The following SF3B3 variants were observed in gnomAD, a reference collection of about 807,000 sequenced individuals.
The protein encoded by SF3B3 is SAP 130.
In SF3B3, 33 loss-of-function variants were observed where a neutral mutation model predicts 139.2. That is an observed-to-expected ratio of 0.24 (90% confidence interval 0.18 to 0.32). The LOEUF is 0.32. Ranked by LOEUF, SF3B3 falls within the 10% of genes least tolerant of loss-of-function variation. SF3B3 has a pLI of 1.00. For synonymous variants in SF3B3, 596 were observed against 563.6 expected (o/e 1.06, Z -0.81); for missense variants, 818 against 1,509.4 (o/e 0.54, Z 7.59).
At chr16:70,565,016 C>T (rs1314756129) in intron 18 of SF3B3, 49 bp from the exon 19 acceptor site, 9 of 1,573,876 alleles carry the variant, frequency 5.7e-6, no homozygotes, top group Non-Finnish European at 7.9e-6. Flanking sequence ...TCTCAGCCAG[C>T]CCCTACCTCT....
intron 8 of SF3B3, among the ~76,000 whole-genome samples, chr16:70,541,161 G>A (rs1022347881): frequency 6.6e-6 from 1 of 152,198 alleles, no homozygotes; most frequent in African/African-American, 2.4e-5. Flanking sequence ...GGTATGAAGT[G>A]GTAGCTCATT....
At chr16:70,555,353 C>T in intron 13 of SF3B3, 147 bp downstream of exon 13, 1 of 686,382 alleles carries the variant, frequency 1.5e-6, no homozygotes, top group Middle Eastern at 4.6e-4. Flanking sequence ...TGGCATGCAC[C>T]TTGTAGTCCT....
chr16:70,571,147 C>A lies in SF3B3; in HGVS notation c.3461C>A (p.Pro1154His). Residue 1154 changes from proline (P) to histidine (H), a missense_variant, in exon 25 of 26, where the codon CCT becomes CAT. Pro to His is a moderately conservative substitution (Grantham distance 77). This residue lies in a region of SF3B3 where 44 missense variants were observed against 40.4 expected (regional missense o/e 1.09). Transcript: ENST00000302516. Reference sequence around the variant, plus strand: ...ATGCACCTGCGGTCTGAACATCCCCCTCTCTGTGGGCGGGACCACCTCAGC... The same window carrying A: ...ATGCACCTGCGGTCTGAACATCCCCATCTCTGTGGGCGGGACCACCTCAGC... ...VEMHLRSEHP[P>H]LCGRDHLSFR... The A allele has an allele frequency of 6.2e-7, 1 of 1,614,096 alleles. No homozygotes were observed. Among genetic ancestry groups the A allele is most frequent in the South Asian group, 1.1e-5 (1 of 91,072 alleles).
At chr16:70,547,995 C>T (rs1356109921) in intron 10 of SF3B3, among the ~76,000 whole-genome samples, 1 of 152,152 alleles carries the variant, frequency 6.6e-6, no homozygotes, top group African/African-American at 2.4e-5. Flanking sequence ...AATTGGTCCA[C>T]ATGGGATTTG....
intron 10 of SF3B3, among the ~76,000 whole-genome samples, chr16:70,545,628 T>TCTGG (rs2050260915): frequency 6.6e-6 from 1 of 152,220 alleles, no homozygotes; most frequent in Admixed American, 6.5e-5. Context: ...ATCTGAGCTC[T>TCTGG]CAAGAGGCCT....
chr16:70,576,355 C>T lies in SF3B3; in HGVS notation c.*4542C>T, dbSNP rs2050580605. 1.3e-5 allele frequency: 2 copies of T among 150,386 alleles called. No homozygotes were observed. The highest frequency in any genetic ancestry group is 4.9e-5 in the African/African-American group (2 of 40,660). 9.3% of individuals were successfully genotyped at this position (150,386 alleles called of 1,614,324 possible). A position where few individuals can be genotyped will look rare whatever the true frequency, so the allele number is the denominator to read the frequency against. ...TCTCTGGCGGTGCCCAGAGGCAAGC[C>T]CCCTTCAGTTTCCCACCTCTCACTC... On this transcript the variant is annotated 3_prime_UTR_variant, in exon 26 of 26. Coordinates refer to ENST00000302516, the MANE Select transcript of SF3B3 (RefSeq NM_012426.5).
rs754683150 is a variant in SF3B3, at chr16:70,571,735, C to T, written c.3576C>T (p.Asn1192=). Reference sequence around the variant, plus strand: ...CCATGGAACCCAACAAACAAAAGAACGTCTCTGAAGAACTGGACCGAACCC... The same window carrying T: ...CCATGGAACCCAACAAACAAAAGAATGTCTCTGAAGAACTGGACCGAACCC... The part of the protein sequence containing the change: ...FNSMEPNKQK[N]VSEELDRTPP... The change falls in exon 26 of 26, where the codon AAC becomes AAT. Residue 1192 remains asparagine, a synonymous_variant. Coordinates refer to ENST00000302516, the MANE Select transcript of SF3B3 (RefSeq NM_012426.5). 2 of 1,614,074 alleles carry T rather than the reference C, an allele frequency of 1.2e-6. No homozygotes were observed. Among genetic ancestry groups the T allele is most frequent in the Non-Finnish European group, 1.7e-6 (2 of 1,180,002 alleles).
intron 6 of SF3B3, chr16:70,538,071 T>G (rs1436403504): frequency 6.1e-6 from 4 of 658,162 alleles, no homozygotes; most frequent in South Asian, 2.7e-5. Context: ...CTGGACACAG[T>G]TTTTGCCTTA....
chr16:70,554,360 T>A (rs531936803), intron 11 of SF3B3, 86 bp from the exon 12 acceptor site: 1 of 1,324,640 alleles, frequency 7.5e-7, no homozygotes, highest in Non-Finnish European at 1.1e-6. Context: ...CCTTGGAAGG[T>A]TTCTGAAGAG....
chr16:70,527,917 A>G (rs1395147175), intron 2 of SF3B3, among the ~76,000 whole-genome samples: 2 of 151,990 alleles, frequency 1.3e-5, no homozygotes, highest in Admixed American at 6.6e-5. Context: ...CTGGGATTAC[A>G]TGCGTGCACC....
intron 2 of SF3B3, 21 bp from the exon 3 acceptor site, chr16:70,528,852 C>T: frequency 6.3e-7 from 1 of 1,577,030 alleles, no homozygotes; most frequent in East Asian, 2.3e-5. Flanking sequence ...TGTTTATGAT[C>T]TTTATTTTTT....
intron 4 of SF3B3, 67 bp downstream of exon 4, chr16:70,530,984 C>G: frequency 6.8e-7 from 1 of 1,468,940 alleles, no homozygotes; most frequent in Non-Finnish European, 9.3e-7. Context: ...AGATTGTTTT[C>G]CGGCCGGGCG....
chr16:70,536,438 A>G (rs930583992), intron 6 of SF3B3, among the ~76,000 whole-genome samples: 5 of 151,868 alleles, frequency 3.3e-5, no homozygotes, highest in Non-Finnish European at 5.9e-5. Context: ...ATCTGGGCTC[A>G]CTGCAAGCTC....
At chr16:70,524,106 G>A (rs2050022126) in intron 1 of SF3B3, 178 bp downstream of exon 1, 2 of 384,062 alleles carry the variant, frequency 5.2e-6, no homozygotes, top group Non-Finnish European at 9.2e-6. Flanking sequence ...GTTATCTCTC[G>A]CTTCCATCCA....
intron 11 of SF3B3, among the ~76,000 whole-genome samples, chr16:70,548,983 C>T (rs745329908): frequency 5.9e-5 from 9 of 152,118 alleles, no homozygotes; most frequent in Non-Finnish European, 1.0e-4. Flanking sequence ...GGAGTTTGAG[C>T]TCCTGGATAT....
chr16:70,552,649 CTG>C (rs1291548872), intron 11 of SF3B3, among the ~76,000 whole-genome samples: 5 of 152,194 alleles, frequency 3.3e-5, no homozygotes, highest in South Asian at 4.1e-4. Context: ...AACCTTTACT[CTG>C]TGGATTCCTG....
intron 20 of SF3B3, 169 bp downstream of exon 20, chr16:70,565,693 C>T: frequency 1.6e-6 from 1 of 621,022 alleles, no homozygotes; most frequent in Non-Finnish European, 2.8e-6. Flanking sequence ...GTTCTTGTGC[C>T]TGTGCATTCC....
chr16:70,560,288 TA>T (rs2050417025), intron 15 of SF3B3, 180 bp from the exon 16 acceptor site: 1 of 492,276 alleles, frequency 2.0e-6, no homozygotes, highest in South Asian at 3.3e-5. Flanking sequence ...TTTGGATGAT[TA>T]AGTGATTTAC....
intron 10 of SF3B3, 39 bp downstream of exon 10, chr16:70,544,572 G>A (rs760430240): frequency 8.7e-7 from 1 of 1,151,200 alleles, no homozygotes; most frequent in Non-Finnish European, 1.3e-6. Context: ...AGGGTTTGGA[G>A]GGAAGCACTG....
Sources: allele counts gnomAD v4.1 joint callset (sites outside exome capture counted in the v4.1 genomes callset), GRCh38; gene constraint gnomAD v4.1.1; regional missense constraint gnomAD v4.1.1; transcripts MANE v1.5; gene names NCBI Gene and HGNC (gene_info 2026-07-23, HGNC 2026-07-21).